GRAMD1B: variants seen among roughly 807,000 people sequenced by gnomAD.
GRAMD1B encodes protein Aster-B.
Under a neutral mutation model 99.7 loss-of-function variants are expected in GRAMD1B, and 37 were observed. The ratio of observed to expected loss-of-function variants is 0.37; its 90% CI spans 0.29 to 0.49. The LOEUF is 0.49. Among genes scored for constraint, GRAMD1B ranks in the 20% least tolerant of loss-of-function variants. The pLI is 0.98. For synonymous variants in GRAMD1B, 427 were observed against 387.6 expected (o/e 1.10, Z -1.19); for missense variants, 888 against 1,009.2 (o/e 0.88, Z 1.63).
At chr11:123,404,977 T>A (rs1357592529) in intron 1 of GRAMD1B, among the ~76,000 whole-genome samples, 3 of 152,148 alleles carry the variant, frequency 2.0e-5, no homozygotes, top group African/African-American at 7.2e-5. Context: ...CTTGCTGATT[T>A]TCAGCAGGAA....
chr11:123,493,050 T>C (rs1938777118), intron 2 of GRAMD1B, among the ~76,000 whole-genome samples: 1 of 152,176 alleles, frequency 6.6e-6, no homozygotes, highest in Non-Finnish European at 1.5e-5. Context: ...ACACAGTAGG[T>C]TCTCAACAGA....
intron 1 of GRAMD1B, among the ~76,000 whole-genome samples, chr11:123,440,520 A>T (rs1949358198): frequency 6.6e-6 from 1 of 152,228 alleles, no homozygotes; most frequent in Non-Finnish European, 1.5e-5. Flanking sequence ...AAAGAAAAAA[A>T]AAGTCAGCAT....
At chr11:123,511,284 A>G (rs2135298067) in intron 2 of GRAMD1B, among the ~76,000 whole-genome samples, 1 of 152,170 alleles carries the variant, frequency 6.6e-6, no homozygotes, top group East Asian at 1.9e-4. Flanking sequence ...GGGATTGGAG[A>G]GGAGTTTTTA....
chr11:123,435,445 G>A (rs778779706), intron 1 of GRAMD1B: 12 of 702,364 alleles, frequency 1.7e-5, no homozygotes, highest in African/African-American at 7.0e-5. Flanking sequence ...TCAAGCTTGC[G>A]GATTTTCACT....
chr11:123,359,964 T>C (rs188438709), intron 1 of GRAMD1B, among the ~76,000 whole-genome samples: 2 of 152,254 alleles, frequency 1.3e-5, no homozygotes, highest in African/African-American at 2.4e-5. Context: ...CTGGGAACTT[T>C]TGGGGAGGGG....
In GRAMD1B at chr11:123,376,396, C is replaced by T. The variant is rs556246672; in HGVS notation, c.-176+17597C>T. On this transcript the variant is annotated intron_variant, in intron 1 of 20. Coordinates refer to the GRAMD1B transcript ENST00000638157. ...AATGAACATTGATGCATAGTGTTTA[C>T]GGGAACCAGGTGTACTGCCTCTTCT... is the stretch of plus-strand genomic sequence containing the variant. Among the ~76,000 whole-genome samples, 19 of 152,232 alleles carry T rather than the reference C, an allele frequency of 1.2e-4. No homozygotes were observed. The South Asian group carries it at 1.7e-3, about 13-fold the overall frequency.
intron 2 of GRAMD1B, among the ~76,000 whole-genome samples, chr11:123,563,156 G>A (rs899227783): frequency 2.0e-5 from 3 of 152,212 alleles, no homozygotes; most frequent in Non-Finnish European, 2.9e-5. Context: ...GTCACGTGGA[G>A]GAGAAATTAG....
chr11:123,590,433 A>C (rs1173891968), intron 4 of GRAMD1B, among the ~76,000 whole-genome samples: 1 of 152,160 alleles, frequency 6.6e-6, no homozygotes, highest in Non-Finnish European at 1.5e-5. Flanking sequence ...CCACGCCTCC[A>C]TGTGGAGCCC....
At chr11:123,491,331 A>G (rs1321376810) in intron 2 of GRAMD1B, among the ~76,000 whole-genome samples, 1 of 152,074 alleles carries the variant, frequency 6.6e-6, no homozygotes, top group Non-Finnish European at 1.5e-5. Context: ...CCAGTAGCAT[A>G]TTTCCAGAAT....
At chr11:123,396,546 G>A (rs1438338131) in intron 1 of GRAMD1B, among the ~76,000 whole-genome samples, 1 of 152,152 alleles carries the variant, frequency 6.6e-6, no homozygotes, top group Non-Finnish European at 1.5e-5. Flanking sequence ...AAAGTGCTGG[G>A]ATTACAGGCA....
chr11:123,507,265 G>A (rs1214661353), intron 2 of GRAMD1B, among the ~76,000 whole-genome samples: 1 of 152,194 alleles, frequency 6.6e-6, no homozygotes, highest in Non-Finnish European at 1.5e-5. Context: ...AGATTGGCTT[G>A]GCCCCCACAC....
At chr11:123,382,717 G>A (rs1226293553) in intron 1 of GRAMD1B, among the ~76,000 whole-genome samples, 1 of 152,182 alleles carries the variant, frequency 6.6e-6, no homozygotes, top group Admixed American at 6.5e-5. Flanking sequence ...GGGTAATGGG[G>A]GGCGTTTAAG....
chr11:123,430,493 AG>A lies in GRAMD1B; in HGVS notation c.-296del, dbSNP rs1948820714. 5.2e-6 allele frequency: 2 copies of A among 388,310 alleles called. No individual in the cohort carries two copies. Among genetic ancestry groups the A allele is most frequent in the African/African-American group, 2.1e-5 (1 of 47,654 alleles). 24.1% of individuals were successfully genotyped at this position (388,310 alleles called of 1,614,324 possible). A position where few individuals can be genotyped will look rare whatever the true frequency, so the allele number is the denominator to read the frequency against. On this transcript the variant is annotated 5_prime_UTR_variant, in exon 1 of 20. Coordinates refer to ENST00000635736, the MANE Select transcript of GRAMD1B (RefSeq NM_001387025.1). ...CGGAAGAAAAACAAGCGGGCGCGCG[AG>A]GGGAGCCCCAGGAGGGCTGCCGAGT...
At chr11:123,549,874 G>A (rs1369867765) in intron 2 of GRAMD1B, among the ~76,000 whole-genome samples, 1 of 152,066 alleles carries the variant, frequency 6.6e-6, no homozygotes, top group East Asian at 1.9e-4. Context: ...CCCAGGTGCT[G>A]CCCTGGGGGA....
intron 7 of GRAMD1B, chr11:123,598,942 A>G: frequency 6.4e-6 from 7 of 1,096,080 alleles, no homozygotes; most frequent in Non-Finnish European, 9.9e-6. Context: ...GGAATGTCAA[A>G]TAATTGGTCT....
At chr11:123,422,710 T>G (rs1948493309) in intron 1 of GRAMD1B, among the ~76,000 whole-genome samples, 1 of 152,244 alleles carries the variant, frequency 6.6e-6, no homozygotes, top group East Asian at 1.9e-4. Context: ...CCATGCTTTC[T>G]TTTATGCCTC....
At chr11:123,467,798 CTTCT>C (rs1301383552) in intron 1 of GRAMD1B, among the ~76,000 whole-genome samples, 2 of 148,998 alleles carry the variant, frequency 1.3e-5, no homozygotes, top group African/African-American at 2.5e-5. Context: ...TCCTTCCTTC[CTTCT>C]TTTTCTTTCT....
In GRAMD1B at chr11:123,517,249, C is replaced by A. The variant is rs551687039; in HGVS notation, c.452+36356C>A. 1.4e-4 allele frequency among the ~76,000 whole-genome samples: 21 copies of A among 152,264 alleles called. No individual in the cohort carries two copies. The South Asian group carries it at 4.3e-3, about 32-fold the overall frequency. On this transcript the variant is annotated intron_variant, in intron 2 of 19. Transcript: ENST00000635736. The stretch of plus-strand genomic sequence containing the variant: ...GTACAGTTCTTGTTGAAAAAATAAA[C>A]AGCTGATTGACCTAACAGAAAGAGC...
rs1478422217 is a variant in GRAMD1B, at chr11:123,612,672, G to C, written c.1920-89G>C. The C allele has an allele frequency of 2.1e-5, 16 of 745,386 alleles. No individual in the cohort carries two copies. In the East Asian group the frequency reaches 4.3e-4, roughly 20 times the overall value. The allele number at this position is 745,386 out of a possible 1,614,324, so 46.2% of individuals were successfully genotyped here. ...TAAAGTTTAGTACAAATGTGAAGCGGATCTGGCCTTAACTCCGAATTTCCC... is the reference window on the plus strand; with the variant it reads ...TAAAGTTTAGTACAAATGTGAAGCGCATCTGGCCTTAACTCCGAATTTCCC... On this transcript the variant is annotated intron_variant, in intron 14 of 19. Transcript: ENST00000635736.
Sources: gnomAD v4.1 joint callset for allele counts (sites outside exome capture counted in the v4.1 genomes callset) on GRCh38, gnomAD v4.1.1 for gene constraint, MANE v1.5 for transcripts, NCBI Gene and HGNC (gene_info 2026-07-23, HGNC 2026-07-21) for gene names.